FNIP2: variants seen among roughly 807,000 people sequenced by gnomAD.
FNIP2 encodes folliculin interacting protein 2.
FNIP2 carries 32 observed loss-of-function variants against 108.7 expected under a neutral mutation model. The observed-to-expected ratio is 0.29, with a 90% CI of 0.22 to 0.40. The LOEUF (loss-of-function observed/expected upper bound fraction) is 0.40. Ranked by LOEUF, FNIP2 falls within the 10% of genes least tolerant of loss-of-function variation. The probability of loss-of-function intolerance (pLI) is 1.00; values close to 1 mark genes in which losing one functional copy is unlikely to be tolerated. For synonymous variants in FNIP2, 480 were observed against 496.7 expected, an observed-to-expected ratio of 0.97 and a Z score of 0.45; for missense variants, 1,202 against 1,381.6, an observed-to-expected ratio of 0.87 and a Z score of 2.06.
intron 7 of FNIP2, among the ~76,000 whole-genome samples, chr4:158,845,459 T>A: frequency 6.6e-6 from 1 of 152,244 alleles, no homozygotes; most frequent in East Asian, 1.9e-4. Flanking sequence ...TTGTTTAGGC[T>A]GGACTCAAGC....
At chr4:158,880,473 G>A (rs1781528509) in intron 14 of FNIP2, among the ~76,000 whole-genome samples, 1 of 152,136 alleles carries the variant, frequency 6.6e-6, no homozygotes, top group Non-Finnish European at 1.5e-5. Flanking sequence ...GATAGCATTA[G>A]GAGATATACC....
chr4:158,784,870 C>T (rs902862303), intron 1 of FNIP2, among the ~76,000 whole-genome samples: 2 of 152,162 alleles, frequency 1.3e-5, no homozygotes, highest in Non-Finnish European at 2.9e-5. Context: ...ATGGCAGTTA[C>T]CACATTCTAC....
intron 1 of FNIP2, among the ~76,000 whole-genome samples, chr4:158,804,413 CTTT>C (rs35175799): frequency 5.2e-5 from 7 of 135,584 alleles, no homozygotes; most frequent in Non-Finnish European, 4.7e-5. Context: ...GTATTATACA[CTTT>C]TTTTTTTTTT....
intron 1 of FNIP2, among the ~76,000 whole-genome samples, chr4:158,779,776 T>C (rs1318901404): frequency 1.5e-5 from 2 of 137,834 alleles, no homozygotes; most frequent in Non-Finnish European, 3.1e-5. Flanking sequence ...GCGGGGGTGG[T>C]CTCACTGTGT....
At chr4:158,817,849 C>A (rs1377627510) in intron 1 of FNIP2, among the ~76,000 whole-genome samples, 1 of 152,124 alleles carries the variant, frequency 6.6e-6, no homozygotes, top group Non-Finnish European at 1.5e-5. Context: ...CTGGCCCCAC[C>A]CCTTCCTTTT....
At chr4:158,821,550 G>A (rs1366441529) in intron 1 of FNIP2, among the ~76,000 whole-genome samples, 1 of 152,230 alleles carries the variant, frequency 6.6e-6, no homozygotes, top group East Asian at 1.9e-4. Flanking sequence ...TGTGTGCCAT[G>A]GAGCTACCAA....
rs1778315533 is a variant in FNIP2 at position 158,829,069 on chromosome 4, C to G, written c.235-10C>G. On this transcript the variant is annotated splice_polypyrimidine_tract_variant and intron_variant, in intron 2 of 16. Transcript: ENST00000264433. ...GTAATCTTTTACCTTGCCTGTCTCTCTTAACCTAGAAAACAGAGGATGTTC... is the reference window on the plus strand; with the variant it reads ...GTAATCTTTTACCTTGCCTGTCTCTGTTAACCTAGAAAACAGAGGATGTTC... 6.3e-7 allele frequency: 1 copy of G among 1,597,344 alleles called. No homozygotes were observed. Among genetic ancestry groups the G allele is most frequent in the African/African-American group, 1.3e-5 (1 of 74,526 alleles).
At chr4:158,853,417 T>C (rs1253553256) in intron 8 of FNIP2, among the ~76,000 whole-genome samples, 1 of 152,248 alleles carries the variant, frequency 6.6e-6, no homozygotes, top group Non-Finnish European at 1.5e-5. Context: ...AAGGTACATG[T>C]GCACAACGTG....
intron 1 of FNIP2, among the ~76,000 whole-genome samples, chr4:158,804,413 C>CTTTT (rs35175799): frequency 7.4e-6 from 1 of 135,610 alleles, no homozygotes. Context: ...GTATTATACA[C>CTTTT]TTTTTTTTTT....
At chr4:158,828,535 G>A (rs2126572937) in intron 2 of FNIP2, among the ~76,000 whole-genome samples, 1 of 152,260 alleles carries the variant, frequency 6.6e-6, no homozygotes, top group East Asian at 1.9e-4. Flanking sequence ...AGAATTGCTT[G>A]AACCCGGGAG....
chr4:158,883,290 G>T (rs1286809565), intron 14 of FNIP2, among the ~76,000 whole-genome samples: 1 of 152,036 alleles, frequency 6.6e-6, no homozygotes, highest in Non-Finnish European at 1.5e-5. Flanking sequence ...CGTCCAGGCT[G>T]GAGTGCAGTG....
At position 158,774,055 on chromosome 4, in the gene FNIP2, G is replaced by A. The variant is rs140909594; in HGVS notation, c.107+4736G>A. Among the ~76,000 whole-genome samples the A allele has an allele frequency of 2.4e-4, 36 of 152,190 alleles. No individual in the cohort carries two copies. In the East Asian group the frequency reaches 4.0e-3, roughly 17 times the overall value. ...AATGTTCTCAATAGAAGAAGTAAAAGCAACTCTAATAGCCTGACTTCACCA... is the reference window on the plus strand; with the variant it reads ...AATGTTCTCAATAGAAGAAGTAAAAACAACTCTAATAGCCTGACTTCACCA... On this transcript the variant is annotated intron_variant, in intron 1 of 16. Coordinates refer to ENST00000264433, the MANE Select transcript of FNIP2 (RefSeq NM_020840.3).
chr4:158,818,300 C>G (rs1016868087), intron 1 of FNIP2, among the ~76,000 whole-genome samples: 8 of 152,232 alleles, frequency 5.3e-5, no homozygotes, highest in African/African-American at 1.9e-4. Context: ...AGAGCTACAA[C>G]TAACCTACTT....
rs199644469 is a variant in FNIP2, at chr4:158,865,686, C to T, written c.1466-2416C>T. ...TTAACAAAAAATATTTCATGAATTC[C>T]TGAAATGACTGTTGATATCCTGCGG... is the stretch of plus-strand genomic sequence containing the variant. On this transcript the variant is annotated intron_variant, in intron 12 of 16. Coordinates refer to ENST00000264433, the MANE Select transcript of FNIP2 (RefSeq NM_020840.3). Among the ~76,000 whole-genome samples the T allele has an allele frequency of 1.6e-4, 25 of 152,158 alleles. No homozygotes were observed. The East Asian group carries it at 3.5e-3, about 21-fold the overall frequency.
chr4:158,787,366 C>T (rs751873170), intron 1 of FNIP2, among the ~76,000 whole-genome samples: 3 of 152,162 alleles, frequency 2.0e-5, no homozygotes, highest in Non-Finnish European at 4.4e-5. Context: ...ACTGGTTAAA[C>T]GTGCTGCTCT....
At chr4:158,783,720 G>T (rs532871063) in intron 1 of FNIP2, among the ~76,000 whole-genome samples, 75 of 152,234 alleles carry the variant, frequency 4.9e-4, no homozygotes, top group South Asian at 1.2e-3. Context: ...GAGGACATTT[G>T]AACTGCATTG....
chr4:158,859,892 A>T (rs1276401754), intron 10 of FNIP2, among the ~76,000 whole-genome samples: 4 of 152,214 alleles, frequency 2.6e-5, no homozygotes, highest in Non-Finnish European at 4.4e-5. Flanking sequence ...GATTGTTTTT[A>T]ACAGGATGAA....
At chr4:158,782,287 G>A (rs1776076821) in intron 1 of FNIP2, among the ~76,000 whole-genome samples, 1 of 152,138 alleles carries the variant, frequency 6.6e-6, no homozygotes, top group African/African-American at 2.4e-5. Context: ...TAGTGTATAT[G>A]ATATATGATA....
rs188811228 is a variant in FNIP2 at position 158,782,376 on chromosome 4, A to G, written c.107+13057A>G. Among the ~76,000 whole-genome samples, 426 of 152,182 alleles carry G rather than the reference A, an allele frequency of 2.8e-3. 1 individual carries two copies. The highest frequency in any genetic ancestry group is 9.9e-3 in the African/African-American group (411 of 41,536). Reference sequence around the variant, plus strand: ...CCAGACCTCTCTTATCTTCAAAGGGAAAAAACAAAACTCTTACAAGCTGAC... The same window carrying G: ...CCAGACCTCTCTTATCTTCAAAGGGGAAAAACAAAACTCTTACAAGCTGAC... On this transcript the variant is annotated intron_variant, in intron 1 of 16. Transcript: ENST00000264433.
Sources: gnomAD v4.1 joint callset for allele counts (sites outside exome capture counted in the v4.1 genomes callset) on GRCh38, gnomAD v4.1.1 for gene constraint, MANE v1.5 for transcripts, NCBI Gene and HGNC (gene_info 2026-07-23, HGNC 2026-07-21) for gene names.